The following ADARB2 variants were observed in gnomAD, a reference collection of about 807,000 sequenced individuals.
ADARB2 encodes adenosine deaminase RNA specific B2 (inactive).
A neutral mutation model predicts 62.2 loss-of-function variants in ADARB2; 25 were observed. The observed-to-expected ratio is 0.40, with a 90% CI of 0.29 to 0.56. ADARB2 has a LOEUF of 0.56. ADARB2 is among the 20% of genes least tolerant of loss of function. The pLI, the probability that ADARB2 is intolerant of heterozygous loss-of-function variation, is 0.43. For synonymous variants in ADARB2, 572 were observed against 500.8 expected (o/e 1.14, Z -1.90); for missense variants, 1,071 against 1,077.4 (o/e 0.99, Z 0.08).
intron 1 of ADARB2, among the ~76,000 whole-genome samples, chr10:1,449,778 T>A (rs955039969): frequency 2.3e-4 from 35 of 152,214 alleles, no homozygotes; most frequent in African/African-American, 7.7e-4. Flanking sequence ...CCAGGTCCAA[T>A]TTAATCTCTA....
intron 1 of ADARB2, among the ~76,000 whole-genome samples, chr10:1,500,053 G>A (rs1002334975): frequency 2.6e-5 from 4 of 152,204 alleles, no homozygotes; most frequent in Admixed American, 2.0e-4. Flanking sequence ...ATTTTATTAG[G>A]TATCACTTGC....
intron 3 of ADARB2, among the ~76,000 whole-genome samples, chr10:1,317,913 C>A (rs1370948959): frequency 2.0e-5 from 3 of 152,156 alleles, no homozygotes; most frequent in African/African-American, 4.8e-5. Context: ...TTCCCTAAAG[C>A]CTGCCTACTC....
rs147180585 is a variant in ADARB2 at position 1,552,373 on chromosome 10, G to A, written c.101-173213C>T. 6.0e-3 allele frequency among the ~76,000 whole-genome samples: 918 copies of A among 152,130 alleles called. 8 individuals are homozygous for A. Among genetic ancestry groups the A allele is most frequent in the Non-Finnish European group, 7.5e-3 (513 of 67,984 alleles). ...GGGCATGAAATGCCTGCAGACCCAC[G>A]GGTGATGCCTTTTAGAGAGTGGGTG... On this transcript the variant is annotated intron_variant, in intron 1 of 9. Coordinates refer to ENST00000381312, the MANE Select transcript of ADARB2 (RefSeq NM_018702.4).
chr10:1,508,878 T>C (rs1253787433), intron 1 of ADARB2, among the ~76,000 whole-genome samples: 1 of 152,218 alleles, frequency 6.6e-6, no homozygotes, highest in Non-Finnish European at 1.5e-5. Context: ...GCAGAGCTCC[T>C]GAAAGCCCAG....
chr10:1,694,327 C>T (rs1277172431), intron 1 of ADARB2, among the ~76,000 whole-genome samples: 1 of 152,172 alleles, frequency 6.6e-6, no homozygotes, highest in Non-Finnish European at 1.5e-5. Flanking sequence ...GAGTAATGTG[C>T]TATTTAGCTA....
intron 6 of ADARB2, among the ~76,000 whole-genome samples, chr10:1,225,281 C>T (rs11250346): frequency 0.26 from 39,177 of 151,964 alleles, 5,408 homozygotes; most frequent in African/African-American, 0.32. Context: ...AGATCTTCCT[C>T]CATCCCTTTG....
At position 1,669,630 on chromosome 10, in the gene ADARB2, A is replaced by C. The variant is rs527374804; in HGVS notation, c.100+67421T>G. Among the ~76,000 whole-genome samples the C allele has an allele frequency of 2.2e-4, 34 of 151,942 alleles. No homozygotes were observed. The East Asian group carries it at 3.3e-3, about 15-fold the overall frequency. ...CATACAGAGACACACAGACACAAAC[A>C]CACACAGACACATGCAGATACACAC... On this transcript the variant is annotated intron_variant, in intron 1 of 9. Transcript: ENST00000381312.
chr10:1,454,536 T>C (rs1831074625), intron 1 of ADARB2, among the ~76,000 whole-genome samples: 1 of 152,148 alleles, frequency 6.6e-6, no homozygotes, highest in African/African-American at 2.4e-5. Context: ...ACAACATGGA[T>C]GAACCCTAGG....
At chr10:1,697,823 C>T (rs1834766087) in intron 1 of ADARB2, among the ~76,000 whole-genome samples, 2 of 152,150 alleles carry the variant, frequency 1.3e-5, no homozygotes, top group African/African-American at 2.4e-5. Flanking sequence ...CCCCAAATGC[C>T]CCGACTCCCT....
chr10:1,368,907 C>T (rs984456201), intron 2 of ADARB2, among the ~76,000 whole-genome samples: 49 of 150,668 alleles, frequency 3.3e-4, no homozygotes, highest in African/African-American at 1.1e-3. Context: ...GGGTGGGGGC[C>T]GAGCTTGCCC....
At chr10:1,545,446 G>C (rs1832504196) in intron 1 of ADARB2, among the ~76,000 whole-genome samples, 1 of 152,206 alleles carries the variant, frequency 6.6e-6, no homozygotes, top group Non-Finnish European at 1.5e-5. Context: ...AAGTAGAACA[G>C]AAATGAGAAT....
intron 1 of ADARB2, among the ~76,000 whole-genome samples, chr10:1,435,241 C>T (rs1267453806): frequency 1.3e-5 from 2 of 152,154 alleles, no homozygotes; most frequent in Non-Finnish European, 2.9e-5. Flanking sequence ...GGAGCTCAGA[C>T]AGGTGTTGGT....
At position 1,298,400 on chromosome 10, in the gene ADARB2, T is replaced by C. The variant is rs181131009; in HGVS notation, c.1078-27331A>G. Among the ~76,000 whole-genome samples the C allele has an allele frequency of 7.3e-4, 111 of 152,282 alleles. 1 individual carries two copies. Among genetic ancestry groups the C allele is most frequent in the Non-Finnish European group, 1.5e-3 (100 of 68,030 alleles). On this transcript the variant is annotated intron_variant, in intron 3 of 9. Coordinates refer to ENST00000381312, the MANE Select transcript of ADARB2 (RefSeq NM_018702.4). ...TGCTCTGGGTGATCCCGGGGGCACA[T>C]CCCAGGGCTGAGCAGATGTTGTCTA...
rs1480866708 is a variant in ADARB2 at position 1,200,102 on chromosome 10, C to T, written c.1728G>A (p.Val576=). The T allele has an allele frequency of 6.4e-7, 1 of 1,562,344 alleles. No homozygotes were observed. Among genetic ancestry groups the T allele is most frequent in the South Asian group, 1.2e-5 (1 of 84,954 alleles). ...GLQGALLSHF[V]EPVYLQSIVV... The stretch of plus-strand genomic sequence containing the variant: ...CGATGCTCTGCAGGTACACGGGCTC[C>T]ACGAAGTGGGACAGGAGCGCGCCCT... The change falls in exon 8 of 10, where the codon GTG becomes GTA. Residue 576 remains valine (V), a synonymous_variant. Transcript: ENST00000381312.
At chr10:1,422,815 T>G (rs753984246) in intron 1 of ADARB2, among the ~76,000 whole-genome samples, 1 of 152,208 alleles carries the variant, frequency 6.6e-6, no homozygotes, top group Non-Finnish European at 1.5e-5. Flanking sequence ...CACCCAGGTA[T>G]GAAGGGCATT....
rs1028675346 is a variant in ADARB2, at chr10:1,582,388, C to T, written c.100+154663G>A. Among the ~76,000 whole-genome samples the T allele has an allele frequency of 7.9e-5, 12 of 152,302 alleles. No individual in the cohort carries two copies. In the East Asian group the frequency reaches 1.2e-3, roughly 15 times the overall value. ...CTGACCCACAGCTGGTAGATCCCTG[C>T]GTTTGACTCCACATTTTATGCCTTA... On this transcript the variant is annotated intron_variant, in intron 1 of 9. Transcript: ENST00000381312.
chr10:1,215,810 A>C (rs1434918265), intron 7 of ADARB2: 2 of 152,218 alleles, frequency 1.3e-5, no homozygotes, highest in Non-Finnish European at 2.9e-5. Context: ...CCTATTTTCC[A>C]AACCAAAGTT....
intron 1 of ADARB2, among the ~76,000 whole-genome samples, chr10:1,569,403 G>A (rs906929731): frequency 5.3e-5 from 8 of 152,210 alleles, no homozygotes; most frequent in African/African-American, 1.4e-4. Flanking sequence ...CCTGCAGAAC[G>A]TGAGCAGCAG....
chr10:1,694,226 A>G (rs7920548), intron 1 of ADARB2, among the ~76,000 whole-genome samples: 149,017 of 152,324 alleles, frequency 0.98, 72,994 homozygotes, highest in East Asian at 1. Context: ...TTCTCTACAC[A>G]GAAATATTGA....
Sources: allele counts gnomAD v4.1 joint callset (sites outside exome capture counted in the v4.1 genomes callset), GRCh38; gene constraint gnomAD v4.1.1; transcripts MANE v1.5; gene names NCBI Gene and HGNC (gene_info 2026-07-23, HGNC 2026-07-21).